CCDC138: variants seen among roughly 807,000 people sequenced by gnomAD.
CCDC138 encodes coiled-coil domain containing 138.
CCDC138 carries 66 observed loss-of-function variants against 82.3 expected under a neutral mutation model. The ratio of observed to expected loss-of-function variants is 0.80; its 90% confidence interval spans 0.66 to 0.98. The LOEUF (loss-of-function observed/expected upper bound fraction) is 0.98. Ranked by LOEUF, CCDC138 falls within the 50% of genes least tolerant of loss-of-function variation. The probability of loss-of-function intolerance (pLI) is 0.00; values close to 1 mark genes in which losing one functional copy is unlikely to be tolerated. For synonymous variants in CCDC138, 297 were observed against 265.4 expected (o/e 1.12, Z -1.16); for missense variants, 816 against 758.9 (o/e 1.08, Z -0.88).
At position 108,800,638 on chromosome 2, in the gene CCDC138, T is replaced by TTTTTTTA. The variant is rs1491527939; in HGVS notation, c.735+2052_735+2053insTTTTTTA. Reference sequence around the variant, plus strand: ...TTTTTTTTTTTTTTTTTTTTTTTTTTAATTATACTTTAAGTTTTAGGGTAC... The same window carrying TTTTTTTA: ...TTTTTTTTTTTTTTTTTTTTTTTTTTTTTTTTAAATTATACTTTAAGTTTTAGGGTAC... On this transcript the variant is annotated intron_variant, in intron 6 of 14. Transcript: ENST00000295124. Among the ~76,000 whole-genome samples, 92 of 73,766 alleles carry TTTTTTTA rather than the reference T, an allele frequency of 1.2e-3. 8 individuals carry two copies. The highest frequency in any genetic ancestry group is 4.7e-3 in the African/African-American group (81 of 17,276). The allele number at this position is 73,766 out of a possible 152,430, so 48.4% of individuals were successfully genotyped here.
At chr2:108,802,904 T>G (rs1682177969) in intron 6 of CCDC138, among the ~76,000 whole-genome samples, 2 of 152,244 alleles carry the variant, frequency 1.3e-5, no homozygotes, top group African/African-American at 4.8e-5. Flanking sequence ...GTTTTTGTCT[T>G]TGGCTCTGTT....
intron 4 of CCDC138, among the ~76,000 whole-genome samples, chr2:108,793,746 G>C (rs1377931310): frequency 1.3e-5 from 2 of 151,626 alleles, no homozygotes; most frequent in African/African-American, 4.8e-5. Flanking sequence ...ACAGGCACCC[G>C]CCATCACGCC....
chr2:108,810,146 C>T (rs2149786602), intron 7 of CCDC138, among the ~76,000 whole-genome samples: 1 of 152,252 alleles, frequency 6.6e-6, no homozygotes, highest in South Asian at 2.1e-4. Flanking sequence ...CTTTTTCTTG[C>T]TTAATTACTC....
chr2:108,817,839 T>A (rs1210877152), intron 10 of CCDC138, among the ~76,000 whole-genome samples: 4 of 152,326 alleles, frequency 2.6e-5, no homozygotes, highest in Admixed American at 2.6e-4. Flanking sequence ...GTTTAAATGT[T>A]AAGTTTGTGG....
At position 108,812,920 on chromosome 2, in the gene CCDC138, C is replaced by T; in HGVS notation, c.1034C>T (p.Thr345Ile). 1.9e-6 allele frequency: 3 copies of T among 1,613,158 alleles called. No homozygotes were observed. Among genetic ancestry groups the T allele is most frequent in the Non-Finnish European group, 2.5e-6 (3 of 1,179,576 alleles). ...LKQEKAPVSKTYKVPLNGQVY... is the reference protein window; with the variant it reads ...LKQEKAPVSKIYKVPLNGQVY... ...CAAGAAAAAGCACCAGTTTCAAAAA[C>T]TTACAAGGTAAGTTTGAATTATGAT... The change falls in exon 9 of 15, where the codon ACT (threonine) becomes ATT (isoleucine). Residue 345 changes from threonine (T) to isoleucine (I), a missense_variant. Thr to Ile is a moderately conservative substitution (Grantham distance 89). Coordinates refer to ENST00000295124, the MANE Select transcript of CCDC138 (RefSeq NM_144978.3).
chr2:108,847,236 C>G (rs1690646206), intron 12 of CCDC138, among the ~76,000 whole-genome samples: 1 of 152,206 alleles, frequency 6.6e-6, no homozygotes, highest in Non-Finnish European at 1.5e-5. Context: ...TTATTTTCCA[C>G]TAGCGAATGT....
Position 108,794,551 on chromosome 2 carries a change from A to G in CCDC138, c.406A>G (p.Thr136Ala), listed in dbSNP as rs200127489. ...FKEIEKVALP[T>A]NTTSSRPRTE... Reference sequence around the variant, plus strand: ...TATTTTCTTTGCAGTTGCCTTGCCAACTAATACGACCTCATCGAGACCTCG... The same window carrying G: ...TATTTTCTTTGCAGTTGCCTTGCCAGCTAATACGACCTCATCGAGACCTCG... The change falls in exon 5 of 15, where the codon ACT (threonine) becomes GCT (alanine). Residue 136 changes from threonine (T) to alanine (A), a missense_variant. By Grantham distance (58) the Thr-to-Ala change is moderately conservative. Transcript: ENST00000295124. 2.0e-5 allele frequency: 32 copies of G among 1,596,860 alleles called. No homozygotes were observed. In the East Asian group the frequency reaches 4.7e-4, roughly 23 times the overall value.
At chr2:108,871,095 A>G (rs58286020) in intron 13 of CCDC138, among the ~76,000 whole-genome samples, 3,191 of 152,256 alleles carry the variant, frequency 0.021, 113 homozygotes, top group South Asian at 0.082. Flanking sequence ...ACACGTTCCT[A>G]TGGTTGTGTT....
chr2:108,864,639 A>T (rs4676212), intron 13 of CCDC138, among the ~76,000 whole-genome samples: 138,775 of 152,124 alleles, frequency 0.91, 63,372 homozygotes, highest in East Asian at 1. Flanking sequence ...CTACTAAAAA[A>T]ACAAAAAAGC....
downstream of CCDC138, among the ~76,000 whole-genome samples, chr2:108,879,198 C>G (rs1696216819): frequency 6.6e-6 from 1 of 152,184 alleles, no homozygotes; most frequent in South Asian, 2.1e-4. Flanking sequence ...TCTTGAACTC[C>G]TGAGCTCGAG....
At chr2:108,810,447 T>C (rs1023618449) in intron 7 of CCDC138, among the ~76,000 whole-genome samples, 2 of 152,262 alleles carry the variant, frequency 1.3e-5, no homozygotes, top group Non-Finnish European at 2.9e-5. Context: ...TTCATTCTGT[T>C]AAAACGTGAT....
chr2:108,840,775 CTT>C (rs370336823), intron 11 of CCDC138, among the ~76,000 whole-genome samples: 108 of 151,526 alleles, frequency 7.1e-4, no homozygotes, highest in African/African-American at 2.5e-3. Flanking sequence ...AGGATCATCT[CTT>C]TGTTTCATTT....
chr2:108,814,471 T>C (rs1287689563), intron 9 of CCDC138, among the ~76,000 whole-genome samples: 1 of 151,990 alleles, frequency 6.6e-6, no homozygotes, highest in Admixed American at 6.6e-5. Context: ...AGGGAGTTAG[T>C]TTCTATTTGA....
chr2:108,864,617 G>A (rs1344890728), intron 13 of CCDC138, among the ~76,000 whole-genome samples: 2 of 152,036 alleles, frequency 1.3e-5, no homozygotes, highest in Non-Finnish European at 2.9e-5. Flanking sequence ...CTAACATGGT[G>A]AAACCCTGTC....
rs182576096 is a variant in CCDC138 at position 108,846,839 on chromosome 2, G to A, written c.1425G>A (p.Glu475=). 2.1e-4 allele frequency: 338 copies of A among 1,613,562 alleles called. 2 individuals are homozygous for A. In the East Asian group the frequency reaches 6.3e-3, roughly 30 times the overall value. ...IQDNSPQHSV[E]NKPKTAAFFK... is the part of the protein sequence containing the mutation. Reference sequence around the variant, plus strand: ...ATAATTCTCCACAGCATTCTGTGGAGAATAAACCAAAGACAGCTGCTTTCT... The same window carrying A: ...ATAATTCTCCACAGCATTCTGTGGAAAATAAACCAAAGACAGCTGCTTTCT... The change falls in exon 12 of 15, where the codon GAG becomes GAA. Residue 475 remains glutamate (E), a synonymous_variant. Transcript: ENST00000295124.
At chr2:108,793,784 A>G (rs1336822773) in intron 4 of CCDC138, among the ~76,000 whole-genome samples, 2 of 150,638 alleles carry the variant, frequency 1.3e-5, no homozygotes, top group Admixed American at 6.6e-5. Context: ...TTGTATTTTT[A>G]GTAGAGACGG....
chr2:108,800,190 G>A (rs1406262038), intron 6 of CCDC138, among the ~76,000 whole-genome samples: 1 of 152,026 alleles, frequency 6.6e-6, no homozygotes, highest in African/African-American at 2.4e-5. Context: ...ATAGATTTTG[G>A]GTTCTATTGT....
intron 13 of CCDC138, 35 bp from the exon 14 acceptor site, chr2:108,873,416 C>T: frequency 6.6e-7 from 1 of 1,513,058 alleles, no homozygotes. Context: ...TTTCGCTACT[C>T]CCTAATAGTA....
At chr2:108,839,398 A>G (rs1689091211) in intron 11 of CCDC138, 97 bp downstream of exon 11, 3 of 1,015,558 alleles carry the variant, frequency 3.0e-6, no homozygotes, top group Admixed American at 2.5e-5. Flanking sequence ...TATTCTCTGT[A>G]TTTCAGAATA....
Sources: gnomAD v4.1 joint callset for allele counts (sites outside exome capture counted in the v4.1 genomes callset) on GRCh38, gnomAD v4.1.1 for gene constraint, MANE v1.5 for transcripts, NCBI Gene and HGNC (gene_info 2026-07-23, HGNC 2026-07-21) for gene names.